TXNRD1: variants seen among roughly 807,000 people sequenced by gnomAD.
TXNRD1 encodes the protein thioredoxin reductase 1, cytoplasmic.
TXNRD1 carries 57 observed loss-of-function variants against 80.3 expected under a neutral mutation model. The ratio of observed to expected loss-of-function variants is 0.71; its 90% CI spans 0.57 to 0.89. TXNRD1 has a LOEUF of 0.89. Among genes scored for constraint, TXNRD1 ranks in the 40% least tolerant of loss-of-function variants. TXNRD1 has a pLI of 0.00. For synonymous variants in TXNRD1, 291 were observed against 285.2 expected (o/e 1.02, Z -0.20); for missense variants, 730 against 803.0 (o/e 0.91, Z 1.10).
intron 3 of TXNRD1, among the ~76,000 whole-genome samples, chr12:104,281,500 G>A (rs953088013): frequency 4.1e-5 from 6 of 147,456 alleles, no homozygotes; most frequent in African/African-American, 1.0e-4. Context: ...TCCGCCTCCC[G>A]GGTTCACGCC....
intron 3 of TXNRD1, among the ~76,000 whole-genome samples, chr12:104,267,677 C>CTTTCTTTCTTTG (rs1565870150): frequency 8.1e-5 from 4 of 49,412 alleles, no homozygotes; most frequent in Admixed American, 4.7e-4. Context: ...TTCTTTCTTT[C>CTTTCTTTCTTTG]TTTCTTTCTT....
chr12:104,241,937 A>ATTTTTTTTTTTTTTTTTTTTTTTTT (rs747774973), intron 1 of TXNRD1, among the ~76,000 whole-genome samples: 1 of 96,082 alleles, frequency 1.0e-5, no homozygotes, highest in African/African-American at 4.2e-5. Context: ...TATACTAATG[A>ATTTTTTTTTTTTTTTTTTTTTTTTT]TTTTTTTTTT....
intron 3 of TXNRD1, chr12:104,265,276 T>C: frequency 6.5e-7 from 1 of 1,545,138 alleles, no homozygotes; most frequent in Non-Finnish European, 8.7e-7. Context: ...AAAACTTCCT[T>C]TTGCGGGTGG....
rs542943844 is a variant in TXNRD1 at position 104,222,853 on chromosome 12, AAAAC to A, written c.91+6976_91+6979del. Among the ~76,000 whole-genome samples the A allele has an allele frequency of 6.6e-5, 10 of 152,364 alleles. No homozygotes were observed. The South Asian group carries it at 2.1e-3, about 32-fold the overall frequency. On this transcript the variant is annotated intron_variant, in intron 1 of 16. Transcript: ENST00000525566. ...GTGAAATAGTGAGACTCTGTCTCAA[AAAAC>A]AAACAAACAAACAAAACTAACTTTT... is the stretch of plus-strand genomic sequence containing the variant.
rs2035941700 is a variant in TXNRD1 at position 104,331,406 on chromosome 12, G to A, written c.1543-128G>A. On this transcript the variant is annotated intron_variant, in intron 13 of 16. Coordinates refer to ENST00000525566, the MANE Select transcript of TXNRD1 (RefSeq NM_001093771.3). Reference sequence around the variant, plus strand: ...GATTAATTAATTAATATCTCGGATTGAGACTTCACATACTTTGGTAGAAAT... The same window carrying A: ...GATTAATTAATTAATATCTCGGATTAAGACTTCACATACTTTGGTAGAAAT... 4 of 550,556 alleles carry A rather than the reference G, an allele frequency of 7.3e-6. No individual in the cohort carries two copies. In the Middle Eastern group the frequency reaches 1.5e-3, roughly 200 times the overall value. The allele number at this position is 550,556 out of a possible 1,614,324, so 34.1% of individuals were successfully genotyped here.
intron 4 of TXNRD1, among the ~76,000 whole-genome samples, chr12:104,305,649 AC>A (rs2034878654): frequency 6.6e-6 from 1 of 152,216 alleles, no homozygotes; most frequent in Admixed American, 6.5e-5. Flanking sequence ...TTATGGAAAA[AC>A]TATTATATTT....
intron 3 of TXNRD1, chr12:104,288,720 T>C: frequency 2.1e-6 from 3 of 1,420,454 alleles, no homozygotes; most frequent in Admixed American, 5.2e-5. Flanking sequence ...TTTCAGCCAG[T>C]GTGCGGATTT....
intron 4 of TXNRD1, among the ~76,000 whole-genome samples, chr12:104,298,228 G>A (rs2135768673): frequency 6.6e-6 from 1 of 152,190 alleles, no homozygotes; most frequent in East Asian, 1.9e-4. Context: ...AAATAATTTT[G>A]CATATAAACT....
intron 1 of TXNRD1, among the ~76,000 whole-genome samples, chr12:104,248,789 C>A (rs1193310522): frequency 6.6e-6 from 1 of 152,140 alleles, no homozygotes; most frequent in Non-Finnish European, 1.5e-5. Flanking sequence ...CTTCTGGGAT[C>A]CTATAATTAA....
chr12:104,342,029 C>A (rs999608164), intron 16 of TXNRD1, among the ~76,000 whole-genome samples: 4 of 152,166 alleles, frequency 2.6e-5, no homozygotes, highest in African/African-American at 9.7e-5. Context: ...GCTTCCATGT[C>A]CTCTCTAGGT....
At chr12:104,254,644 A>AAAAAAAAAAAAAAAAAAAAAATATATAT in intron 2 of TXNRD1, among the ~76,000 whole-genome samples, 1 of 93,650 alleles carries the variant, frequency 1.1e-5, no homozygotes, top group Non-Finnish European at 1.9e-5. Context: ...AAAAAAAAAA[A>AAAAAAAAAAAAAAAAAAAAAATATATAT]ATATATATAT....
intron 16 of TXNRD1, chr12:104,339,508 G>A: frequency 1.5e-6 from 1 of 668,538 alleles, no homozygotes; most frequent in African/African-American, 1.8e-5. Context: ...TTATAGAGCT[G>A]TGCCTTAAAT....
At chr12:104,228,375 G>A (rs2032526086) in intron 1 of TXNRD1, among the ~76,000 whole-genome samples, 1 of 151,264 alleles carries the variant, frequency 6.6e-6, no homozygotes, top group Non-Finnish European at 1.5e-5. Flanking sequence ...GCTTACTCCT[G>A]TAATCCCAGC....
At chr12:104,342,832 C>G (rs1463561289) in intron 16 of TXNRD1, among the ~76,000 whole-genome samples, 1 of 152,028 alleles carries the variant, frequency 6.6e-6, no homozygotes, top group Admixed American at 6.6e-5. Flanking sequence ...CCAGCTGCAC[C>G]GTGGAAGCGG....
rs568223603 is a variant in TXNRD1 at position 104,265,379 on chromosome 12, C to G, written c.304+7300C>G. The G allele has an allele frequency of 5.0e-6, 8 of 1,607,754 alleles. No individual in the cohort carries two copies. In the African/African-American group the frequency reaches 6.7e-5, roughly 13 times the overall value. ...TGCCTGCCCACCCCCAAATGCCACA[C>G]GCCGCCCCTCTACCGCATGCGAATC... On this transcript the variant is annotated intron_variant, in intron 3 of 16. Coordinates refer to ENST00000525566, the MANE Select transcript of TXNRD1 (RefSeq NM_001093771.3).
At chr12:104,303,585 G>T (rs994932321) in intron 4 of TXNRD1, among the ~76,000 whole-genome samples, 3 of 152,224 alleles carry the variant, frequency 2.0e-5, no homozygotes, top group East Asian at 1.9e-4. Flanking sequence ...CATTAGTCGC[G>T]TGTGAGGTCA....
rs193287219 is a variant in TXNRD1 at position 104,269,804 on chromosome 12, C to T, written c.304+11725C>T. 4.0e-3 allele frequency among the ~76,000 whole-genome samples: 606 copies of T among 152,080 alleles called. 3 individuals carry two copies. Among genetic ancestry groups the T allele is most frequent in the Middle Eastern group, 0.014 (4 of 294 alleles). Reference sequence around the variant, plus strand: ...CAGGATGGTCTCGATCTCCTGACCTCGTGATCCGCCTGCCTTGTCCTCCCA... The same window carrying T: ...CAGGATGGTCTCGATCTCCTGACCTTGTGATCCGCCTGCCTTGTCCTCCCA... On this transcript the variant is annotated intron_variant, in intron 3 of 16. Coordinates refer to ENST00000525566, the MANE Select transcript of TXNRD1 (RefSeq NM_001093771.3).
chr12:104,272,851 T>A (rs935802062), intron 3 of TXNRD1, among the ~76,000 whole-genome samples: 1 of 151,236 alleles, frequency 6.6e-6, no homozygotes, highest in African/African-American at 2.4e-5. Context: ...ACTGACATAT[T>A]GATTCTTTGA....
At chr12:104,216,792 G>A (rs1219077517) in intron 1 of TXNRD1, among the ~76,000 whole-genome samples, 2 of 152,218 alleles carry the variant, frequency 1.3e-5, no homozygotes, top group African/African-American at 4.8e-5. Context: ...ATAGGCTTGA[G>A]AAAGTGAGGC....
Sources: gnomAD v4.1 joint callset for allele counts (sites outside exome capture counted in the v4.1 genomes callset) on GRCh38, gnomAD v4.1.1 for gene constraint, MANE v1.5 for transcripts, NCBI Gene and HGNC (gene_info 2026-07-23, HGNC 2026-07-21) for gene names.